Variants in JPH2 observed in about 807,000 individuals in gnomAD.
JPH2 encodes junctophilin 2.
In JPH2, 38 loss-of-function variants were observed where a neutral mutation model predicts 55.9. The observed-to-expected ratio is 0.68, with a 90% CI of 0.52 to 0.89. The LOEUF (loss-of-function observed/expected upper bound fraction) is 0.89, where lower values mean the gene tolerates loss of function less well. Ranked by LOEUF, JPH2 falls within the 40% of genes least tolerant of loss-of-function variation. The pLI is 0.00. For synonymous variants in JPH2, 480 were observed against 472.4 expected, an observed-to-expected ratio of 1.02 and a Z score of -0.21; for missense variants, 964 against 1,037.6, an observed-to-expected ratio of 0.93 and a Z score of 0.97.
In JPH2 at chr20:44,116,081, G is replaced by T; in HGVS notation, c.1594C>A (p.Arg532Ser). The change falls in exon 4 of 6, where the codon CGC becomes AGC. Residue 532 changes from arginine to serine, a missense_variant. Physicochemically the swap from Arg to Ser is moderately radical, Grantham distance 110. Coordinates refer to ENST00000372980, the MANE Select transcript of JPH2 (RefSeq NM_020433.5). ...GTGGCTGGACGCGCGGGGCTGCGGCGGCCCGCGCCCTCGGACGGAGTGACT... is the reference window on the plus strand; with the variant it reads ...GTGGCTGGACGCGCGGGGCTGCGGCTGCCCGCGCCCTCGGACGGAGTGACT... ...RSVTPSEGAG[R>S]RSPARPATER... 1.3e-6 allele frequency: 2 copies of T among 1,524,134 alleles called. No individual in the cohort carries two copies. The highest frequency in any genetic ancestry group is 1.7e-6 in the Non-Finnish European group (2 of 1,146,958). The allele number at this position is 1,524,134 out of a possible 1,614,324, so 94.4% of individuals were successfully genotyped here. A position where few individuals can be genotyped will look rare whatever the true frequency, so the allele number is the denominator to read the frequency against.
chr20:44,153,160 G>A (rs745460190), intron 2 of JPH2, among the ~76,000 whole-genome samples: 4 of 152,106 alleles, frequency 2.6e-5, no homozygotes, highest in Non-Finnish European at 4.4e-5. Flanking sequence ...CCTTCCCTTG[G>A]GGCAATTTCA....
intron 1 of JPH2, among the ~76,000 whole-genome samples, chr20:44,161,983 C>G (rs1029424186): frequency 6.6e-6 from 1 of 152,126 alleles, no homozygotes; most frequent in African/African-American, 2.4e-5. Context: ...TCACTCACCC[C>G]ACACACACAC....
At chr20:44,166,074 A>T (rs186392598) in intron 1 of JPH2, among the ~76,000 whole-genome samples, 1 of 152,296 alleles carries the variant, frequency 6.6e-6, no homozygotes, top group East Asian at 1.9e-4. Flanking sequence ...AACTGTGCCA[A>T]ATAGGTACTC....
chr20:44,153,551 G>A (rs1220454242), intron 2 of JPH2, among the ~76,000 whole-genome samples: 2 of 152,190 alleles, frequency 1.3e-5, no homozygotes, highest in East Asian at 3.8e-4. Context: ...GGAGGTGGGG[G>A]GCTGAGGGGA....
Position 44,159,944 on chromosome 20 carries a change from G to C in JPH2, c.843C>G (p.Ala281=), listed in dbSNP as rs151305680. ...EGADEAAPFE[A]DIDATTTETY... is the part of the protein sequence containing the mutation. Reference sequence around the variant, plus strand: ...TCTCGGTGGTGGTGGCGTCGATATCGGCCTCGAAGGGTGCGGCCTCGTCGG... The same window carrying C: ...TCTCGGTGGTGGTGGCGTCGATATCCGCCTCGAAGGGTGCGGCCTCGTCGG... The change falls in exon 2 of 6, where the codon GCC becomes GCG. Residue 281 remains alanine, a synonymous_variant. Transcript: ENST00000372980. This position sits in a 1 kb window ranked among gnomAD's most constrained non-coding sequence, Gnocchi z 5.7. 4 of 1,560,332 alleles carry C rather than the reference G, an allele frequency of 2.6e-6. No individual in the cohort carries two copies. Among genetic ancestry groups the C allele is most frequent in the Non-Finnish European group, 2.6e-6 (3 of 1,158,132 alleles).
chr20:44,171,337 A>T (rs1383648566), intron 1 of JPH2, among the ~76,000 whole-genome samples: 1 of 152,182 alleles, frequency 6.6e-6, no homozygotes, highest in Non-Finnish European at 1.5e-5. Flanking sequence ...GGGCCAGGTC[A>T]TTACAGTCAT....
At chr20:44,148,299 G>GT (rs1359478021) in intron 2 of JPH2, among the ~76,000 whole-genome samples, 1 of 152,180 alleles carries the variant, frequency 6.6e-6, no homozygotes, top group African/African-American at 2.4e-5. Flanking sequence ...ATCCAATAGC[G>GT]TTGGCCATTA....
chr20:44,129,097 A>T (rs1170235553), intron 2 of JPH2, among the ~76,000 whole-genome samples: 1 of 152,058 alleles, frequency 6.6e-6, no homozygotes, highest in Non-Finnish European at 1.5e-5. Context: ...GGTGTTGGGG[A>T]TTCTGAGGTT....
intron 2 of JPH2, among the ~76,000 whole-genome samples, chr20:44,149,324 C>T (rs1420373307): frequency 6.6e-6 from 1 of 152,226 alleles, no homozygotes; most frequent in Non-Finnish European, 1.5e-5. Context: ...AGCCATGGTC[C>T]AGGTGTGGTC....
chr20:44,123,516 C>A (rs1293933818), intron 2 of JPH2, among the ~76,000 whole-genome samples: 1 of 152,198 alleles, frequency 6.6e-6, no homozygotes, highest in African/African-American at 2.4e-5. Context: ...AAAATAAAAC[C>A]CTAGCTACTT....
At chr20:44,166,310 T>C (rs1470275774) in intron 1 of JPH2, among the ~76,000 whole-genome samples, 1 of 152,110 alleles carries the variant, frequency 6.6e-6, no homozygotes, top group Non-Finnish European at 1.5e-5. Context: ...AGAGCCAAAC[T>C]CACATCCGTG....
chr20:44,184,306 A>G (rs1234656828), intron 1 of JPH2, among the ~76,000 whole-genome samples: 1 of 151,972 alleles, frequency 6.6e-6, no homozygotes, highest in East Asian at 1.9e-4. Flanking sequence ...CTTTTTTTCC[A>G]TCATTCTCAG....
At chr20:44,165,937 A>G (rs1340391215) in intron 1 of JPH2, among the ~76,000 whole-genome samples, 1 of 152,106 alleles carries the variant, frequency 6.6e-6, no homozygotes, top group Non-Finnish European at 1.5e-5. Context: ...TTCCTAGAGC[A>G]TATCTAGTGC....
chr20:44,149,963 GAAAAAAA>G (rs67234498), intron 2 of JPH2, among the ~76,000 whole-genome samples: 86 of 11,456 alleles, frequency 7.5e-3, no homozygotes, highest in African/African-American at 0.024. Flanking sequence ...GGCGACAGAG[GAAAAAAA>G]AAAAAAAAAA....
At position 44,107,288 on chromosome 20, in the gene JPH2, C is replaced by T. The variant is rs893437392; in HGVS notation, c.*6230G>A. On this transcript the variant is annotated 3_prime_UTR_variant, in exon 6 of 6. Transcript: ENST00000372980. ...CACTCACTGAATGTCTACTCTGCCC[C>T]GAGACCTAAGTGGGACAATGGGGAT... 7.2e-5 allele frequency among the ~76,000 whole-genome samples: 11 copies of T among 152,188 alleles called. No individual in the cohort carries two copies. The highest frequency in any genetic ancestry group is 2.0e-4 in the Admixed American group (3 of 15,284).
intron 2 of JPH2, among the ~76,000 whole-genome samples, chr20:44,138,245 A>G (rs1330271924): frequency 1.3e-5 from 2 of 151,466 alleles, no homozygotes; most frequent in East Asian, 3.9e-4. Context: ...TGACCTCGTG[A>G]TCTGCCCACC....
chr20:44,114,867 T>G lies in JPH2; in HGVS notation c.2020A>C (p.Thr674Pro). ...AGGATCACCATGCAGATGAGGATGG[T>G]GTTGGGGACCTGGGAGCAGTGGAGA... ...AEVEVEEVPNTILICMVILLN... is the reference protein window; with the variant it reads ...AEVEVEEVPNPILICMVILLN... The change falls in exon 5 of 6, where the codon ACC becomes CCC. Residue 674 changes from threonine to proline, a missense_variant. Transcript: ENST00000372980. 6.2e-7 allele frequency: 1 copy of G among 1,603,076 alleles called. No individual in the cohort carries two copies. Among genetic ancestry groups the G allele is most frequent in the Non-Finnish European group, 8.5e-7 (1 of 1,175,686 alleles).
chr20:44,118,578 G>T lies in JPH2; in HGVS notation c.1215C>A (p.Ala405=). ...KAKAEAAEQA[A]LAANQESNIA... is the part of the protein sequence containing the mutation. ...TGTTGGACTCCTGGTTGGCAGCCAGGGCGGCCTGTTCCGCTGCCTCAGCTT... is the reference window on the plus strand; with the variant it reads ...TGTTGGACTCCTGGTTGGCAGCCAGTGCGGCCTGTTCCGCTGCCTCAGCTT... The change falls in exon 3 of 6, where the codon GCC becomes GCA. Residue 405 remains alanine (A), a synonymous_variant. Transcript: ENST00000372980. 6.2e-7 allele frequency: 1 copy of T among 1,612,714 alleles called. No homozygotes were observed.
At chr20:44,184,818 C>T (rs1242698327) in intron 1 of JPH2, among the ~76,000 whole-genome samples, 6 of 152,206 alleles carry the variant, frequency 3.9e-5, no homozygotes, top group Admixed American at 3.9e-4. Flanking sequence ...CAAGCTCAGG[C>T]GTCAGCTCCA....
Sources: gnomAD v4.1 joint callset for allele counts (sites outside exome capture counted in the v4.1 genomes callset) on GRCh38, gnomAD v4.1.1 for gene constraint, Gnocchi (gnomAD v3.1) non-coding constraint, MANE v1.5 for transcripts, NCBI Gene and HGNC (gene_info 2026-07-23, HGNC 2026-07-21) for gene names.